Variants in TENM1 observed in about 807,000 individuals in gnomAD.
TENM1 encodes the protein teneurin-1.
A neutral mutation model predicts 174.8 loss-of-function variants in TENM1; 35 were observed. That is an observed-to-expected ratio of 0.20 (90% confidence interval 0.15 to 0.27). The LOEUF is 0.27. TENM1 is among the 10% of genes least tolerant of loss of function. TENM1 has a pLI of 1.00. For missense variants in TENM1, 1,633 were observed against 2,130.1 expected (o/e 0.77, Z 4.59); for synonymous variants, 781 against 798.7 (o/e 0.98, Z 0.37).
At chrX:124,513,398 AG>A (rs754166878) in intron 18 of TENM1, among the ~76,000 whole-genome samples, 1 of 111,933 alleles carries the variant, frequency 8.9e-6, no homozygotes, top group East Asian at 2.8e-4. Context: ...GAGCCTACCC[AG>A]ATAGACCAGG....
chrX:124,488,524 C>G (rs767859169), intron 20 of TENM1, among the ~76,000 whole-genome samples: 1 of 112,096 alleles, frequency 8.9e-6, no homozygotes, highest in Non-Finnish European at 1.9e-5. Context: ...GGTAGGTATC[C>G]TGTGGGTTGA....
chrX:124,699,101 C>T (rs1256120503), intron 5 of TENM1, among the ~76,000 whole-genome samples: 6 of 111,894 alleles, frequency 5.4e-5, no homozygotes, highest in Admixed American at 2.8e-4. Flanking sequence ...AAAATATTCA[C>T]ATATCTATGT....
At chrX:124,976,950 T>G in the TENM1 span, among the ~76,000 whole-genome samples, 1 of 111,842 alleles carries the variant, frequency 8.9e-6, no homozygotes, top group Non-Finnish European at 1.9e-5. Context: ...CCTTTGTGAT[T>G]CCCTCTTCTA....
At chrX:124,608,877 A>T (rs765806545) in intron 11 of TENM1, among the ~76,000 whole-genome samples, 2 of 109,957 alleles carry the variant, frequency 1.8e-5, no homozygotes, top group East Asian at 5.7e-4. Context: ...GCTAAATCTA[A>T]TTTGTGTATA....
the TENM1 span, among the ~76,000 whole-genome samples, chrX:125,045,808 G>A: frequency 2.7e-5 from 3 of 111,725 alleles, no homozygotes; most frequent in Non-Finnish European, 5.7e-5. Flanking sequence ...TTTATTGCAA[G>A]GGTTTAAAGT....
chrX:124,876,442 G>A (rs1270323432), intron 3 of TENM1, among the ~76,000 whole-genome samples: 1 of 111,176 alleles, frequency 9.0e-6, no homozygotes, highest in Non-Finnish European at 1.9e-5. Context: ...TTGTGGGCTA[G>A]TATTTTATTT....
chrX:124,871,092 A>G (rs1243624648), intron 3 of TENM1, among the ~76,000 whole-genome samples: 1 of 111,270 alleles, frequency 9.0e-6, no homozygotes, highest in Non-Finnish European at 1.9e-5. Flanking sequence ...GAACACCAGA[A>G]TTTATGTTTC....
chrX:124,940,316 A>G (rs1259918269), intron 1 of TENM1, among the ~76,000 whole-genome samples: 1 of 111,937 alleles, frequency 8.9e-6, no homozygotes, highest in Non-Finnish European at 1.9e-5. Context: ...TGTATGAGCC[A>G]TGTTTCACAC....
At chrX:125,109,392 G>A in the TENM1 span, among the ~76,000 whole-genome samples, 6 of 110,219 alleles carry the variant, frequency 5.4e-5, no homozygotes, top group Non-Finnish European at 9.5e-5. Flanking sequence ...TTTTAAGTTC[G>A]GGGGTACGTG....
At chrX:124,853,513 CAT>C (rs1444159938) in intron 3 of TENM1, among the ~76,000 whole-genome samples, 3 of 111,244 alleles carry the variant, frequency 2.7e-5, no homozygotes, top group African/African-American at 6.5e-5. Context: ...TACTGTGAAA[CAT>C]GTGGTAAGAC....
the TENM1 span, among the ~76,000 whole-genome samples, chrX:125,114,221 A>G: frequency 8.9e-6 from 1 of 111,881 alleles, no homozygotes; most frequent in Non-Finnish European, 1.9e-5. Context: ...AATGAGAACA[A>G]AGACATAACG....
intron 1 of TENM1, among the ~76,000 whole-genome samples, chrX:124,934,965 A>G (rs1415373115): frequency 9.0e-6 from 1 of 110,618 alleles, no homozygotes; most frequent in Non-Finnish European, 1.9e-5. Flanking sequence ...GTGGAAAATA[A>G]TAACTGAGGA....
intron 18 of TENM1, among the ~76,000 whole-genome samples, chrX:124,519,773 A>G (rs2047799218): frequency 9.0e-6 from 1 of 110,885 alleles, no homozygotes; most frequent in Non-Finnish European, 1.9e-5. Context: ...AAAACAGACT[A>G]TTTTTTTTCT....
intron 1 of TENM1, among the ~76,000 whole-genome samples, chrX:124,900,766 T>C (rs1603267921): frequency 9.1e-6 from 1 of 109,492 alleles, no homozygotes; most frequent in African/African-American, 3.4e-5. Flanking sequence ...CATGATTTAT[T>C]TTTTCTTTCT....
At chrX:124,987,741 G>A in the TENM1 span, among the ~76,000 whole-genome samples, 7 of 107,506 alleles carry the variant, frequency 6.5e-5, no homozygotes, top group Non-Finnish European at 1.3e-4. Flanking sequence ...GTGTGTGTGT[G>A]TGATTACAAA....
chrX:125,112,580 A>G, the TENM1 span, among the ~76,000 whole-genome samples: 1 of 111,427 alleles, frequency 9.0e-6, no homozygotes, highest in East Asian at 2.8e-4. Context: ...AAAGATATAC[A>G]CAAATTCCAA....
intron 3 of TENM1, among the ~76,000 whole-genome samples, chrX:124,848,968 G>C (rs2056665426): frequency 9.0e-6 from 1 of 111,433 alleles, no homozygotes; most frequent in African/African-American, 3.3e-5. Context: ...TTATATTGTT[G>C]TATGGTTTAA....
In TENM1 at chrX:124,494,233, C is replaced by T. The variant is rs1039251147; in HGVS notation, c.3695+2783G>A. Among the ~76,000 whole-genome samples, 6 of 111,945 alleles carry T rather than the reference C, an allele frequency of 5.4e-5. No individual in the cohort carries two copies. The South Asian group carries it at 2.3e-3, about 42-fold the overall frequency. Reference sequence around the variant, plus strand: ...CACATACAAGTTGCTCTGTCAATGTCTATGCTCTTCTAGTCACTATATTTG... The same window carrying T: ...CACATACAAGTTGCTCTGTCAATGTTTATGCTCTTCTAGTCACTATATTTG... On this transcript the variant is annotated intron_variant, in intron 20 of 31. Coordinates refer to ENST00000422452, the Ensembl canonical transcript of TENM1.
the TENM1 span, among the ~76,000 whole-genome samples, chrX:125,147,535 T>A: frequency 9.0e-6 from 1 of 111,596 alleles, no homozygotes; most frequent in East Asian, 2.8e-4. Flanking sequence ...ACCTTATAAT[T>A]AGACTTCAAA....
Sources: gnomAD v4.1 joint callset for allele counts (sites outside exome capture counted in the v4.1 genomes callset) on GRCh38, gnomAD v4.1.1 for gene constraint, MANE v1.5 for transcripts, NCBI Gene and HGNC (gene_info 2026-07-23, HGNC 2026-07-21) for gene names.